HMCN1: variants seen among roughly 807,000 people sequenced by gnomAD.
HMCN1 encodes the protein hemicentin 1.
Under a neutral mutation model 625.9 loss-of-function variants are expected in HMCN1, and 321 were observed. That is an observed-to-expected ratio of 0.51 (90% CI 0.47 to 0.56). The LOEUF (loss-of-function observed/expected upper bound fraction) is 0.56, where lower values mean the gene tolerates loss of function less well. Ranked by LOEUF, HMCN1 falls within the 20% of genes least tolerant of loss-of-function variation. HMCN1 has a pLI of 0.00. For synonymous variants in HMCN1, 2,425 were observed against 2,417.6 expected (o/e 1.00, Z -0.09); for missense variants, 6,588 against 6,887.3 (o/e 0.96, Z 1.54).
In HMCN1 at chr1:186,144,543, G is replaced by A. The variant is rs1427419446; in HGVS notation, c.14106G>A (p.Lys4702=). 9 of 1,613,992 alleles carry A rather than the reference G, an allele frequency of 5.6e-6. No homozygotes were observed. Among genetic ancestry groups the A allele is most frequent in the Admixed American group, 1.7e-5 (1 of 59,998 alleles). ...TTTCCCTTATTCCAGTTCATGGCAA[G>A]TGGGCGACTTGGGCCAGTTGGAGTG... ...CNERNCPIHG[K]WATWASWSAC... The change falls in exon 91 of 107, where the codon AAG becomes AAA. Residue 4702 remains lysine (K), a synonymous_variant. Coordinates refer to ENST00000271588, the MANE Select transcript of HMCN1 (RefSeq NM_031935.3).
intron 68 of HMCN1, among the ~76,000 whole-genome samples, chr1:186,096,301 C>T (rs1448900594): frequency 1.3e-5 from 2 of 152,084 alleles, no homozygotes; most frequent in African/African-American, 4.8e-5. Context: ...TCATGTAACC[C>T]TAAAATTCTG....
intron 42 of HMCN1, among the ~76,000 whole-genome samples, chr1:186,049,709 T>C (rs1656820570): frequency 6.6e-6 from 1 of 152,078 alleles, no homozygotes; most frequent in South Asian, 2.1e-4. Context: ...AATTTACCTA[T>C]GATTTATAGT....
chr1:185,755,804 G>C (rs1441250124), intron 1 of HMCN1, among the ~76,000 whole-genome samples: 2 of 152,168 alleles, frequency 1.3e-5, no homozygotes, highest in African/African-American at 4.8e-5. Context: ...CTGGGAATGG[G>C]AGTAAAGGGG....
At chr1:185,777,413 C>T (rs764732045) in intron 1 of HMCN1, among the ~76,000 whole-genome samples, 17 of 151,990 alleles carry the variant, frequency 1.1e-4, no homozygotes, top group Non-Finnish European at 2.4e-4. Flanking sequence ...TTATTGGGAT[C>T]TCAGTATGCA....
intron 1 of HMCN1, among the ~76,000 whole-genome samples, chr1:185,755,182 T>A (rs1315129730): frequency 6.6e-6 from 1 of 152,262 alleles, no homozygotes; most frequent in African/African-American, 2.4e-5. Flanking sequence ...CCCACTATAA[T>A]CTGTGTTTTT....
intron 1 of HMCN1, among the ~76,000 whole-genome samples, chr1:185,819,447 T>G (rs1171300542): frequency 6.6e-6 from 1 of 152,208 alleles, no homozygotes; most frequent in Non-Finnish European, 1.5e-5. Context: ...TTATCACTTT[T>G]TATTACATTT....
At chr1:185,761,761 A>T (rs1421774414) in intron 1 of HMCN1, among the ~76,000 whole-genome samples, 2 of 152,198 alleles carry the variant, frequency 1.3e-5, no homozygotes, top group Admixed American at 6.5e-5. Context: ...TTTTGGTAGT[A>T]TAGGACGTGA....
At position 185,734,967 on chromosome 1, in the gene HMCN1, CT is replaced by C; in HGVS notation, c.190del (p.Ser64ProfsTer8). The stretch of plus-strand genomic sequence containing the variant: ...GATTTAGTTCAGGTGATTGAAGGGG[CT>C]TCCAAAATTTTGGAGACGTCTTTGA... ...YDDLVQVIEG[A>X]SKILETSLKR... is the part of the protein sequence containing the mutation. On this transcript the variant is annotated frameshift_variant, in exon 1 of 107. Transcript: ENST00000271588. LOFTEE classifies it high-confidence loss of function. 1.2e-6 allele frequency: 2 copies of C among 1,614,088 alleles called. No individual in the cohort carries two copies. Among genetic ancestry groups the C allele is most frequent in the Non-Finnish European group, 1.7e-6 (2 of 1,179,992 alleles).
intron 1 of HMCN1, among the ~76,000 whole-genome samples, chr1:185,800,670 A>G (rs1233489904): frequency 6.6e-6 from 1 of 152,190 alleles, no homozygotes. Context: ...AGTGAATTAG[A>G]TCTTTCACTA....
chr1:185,956,582 C>G (rs1382619870), intron 11 of HMCN1, among the ~76,000 whole-genome samples: 2 of 152,212 alleles, frequency 1.3e-5, no homozygotes, highest in African/African-American at 4.8e-5. Flanking sequence ...CAGCTATTCT[C>G]TGCATGTTTA....
chr1:186,162,974 T>C (rs1286870266), intron 97 of HMCN1, among the ~76,000 whole-genome samples: 2 of 152,190 alleles, frequency 1.3e-5, no homozygotes, highest in African/African-American at 2.4e-5. Flanking sequence ...GCAGAGGTTA[T>C]TGCTCTTTTT....
Position 185,924,337 on chromosome 1 carries a change from T to C in HMCN1, c.1285+684T>C, listed in dbSNP as rs376646411. Reference sequence around the variant, plus strand: ...GCCCCGCCTCCCGGGTTCACGTCATTCTCCTGCCTCAGCCTCCCGAGTAGC... The same window carrying C: ...GCCCCGCCTCCCGGGTTCACGTCATCCTCCTGCCTCAGCCTCCCGAGTAGC... On this transcript the variant is annotated intron_variant, in intron 8 of 106. Coordinates refer to ENST00000271588, the MANE Select transcript of HMCN1 (RefSeq NM_031935.3). Among the ~76,000 whole-genome samples the C allele has an allele frequency of 7.9e-4, 117 of 148,794 alleles. 1 individual carries two copies. Among genetic ancestry groups the C allele is most frequent in the East Asian group, 6.2e-4 (3 of 4,840 alleles).
intron 97 of HMCN1, among the ~76,000 whole-genome samples, chr1:186,161,836 C>G (rs535081051): frequency 6.6e-6 from 1 of 152,342 alleles, no homozygotes; most frequent in East Asian, 1.9e-4. Context: ...CAACCTTTCT[C>G]TCTGGCTGCC....
At position 186,190,297 on chromosome 1, in the gene HMCN1, C is replaced by A. The variant is rs140343074; in HGVS notation, c.*419C>A. The A allele has an allele frequency of 3.2e-5, 7 of 222,132 alleles. No homozygotes were observed. The East Asian group carries it at 5.0e-4, about 16-fold the overall frequency. The allele number at this position is 222,132 out of a possible 1,614,324, so 13.8% of individuals were successfully genotyped here. A position where few individuals can be genotyped will look rare whatever the true frequency, so the allele number is the denominator to read the frequency against. On this transcript the variant is annotated 3_prime_UTR_variant, in exon 107 of 107. Coordinates refer to ENST00000271588, the MANE Select transcript of HMCN1 (RefSeq NM_031935.3). ...ATTTTTAGAATCATAAAATTAGTTA[C>A]TAAGTATTTTGATCAAAGCTTATAA...
intron 74 of HMCN1, 33 bp from the exon 75 acceptor site, chr1:186,115,225 G>A: frequency 6.2e-7 from 1 of 1,612,674 alleles, no homozygotes; most frequent in East Asian, 2.2e-5. Flanking sequence ...TTTGCTGACT[G>A]TGTTTCCTTC....
chr1:185,807,496 T>C (rs759645485), intron 1 of HMCN1, among the ~76,000 whole-genome samples: 2 of 152,206 alleles, frequency 1.3e-5, no homozygotes, highest in African/African-American at 4.8e-5. Context: ...TGCAGTAATA[T>C]ACACAGGAAT....
Position 185,922,471 on chromosome 1 carries a change from C to CA in HMCN1, c.1000dup (p.Thr334AsnfsTer25). On this transcript the variant is annotated frameshift_variant, in exon 7 of 107. Coordinates refer to ENST00000271588, the MANE Select transcript of HMCN1 (RefSeq NM_031935.3). LOFTEE classifies it high-confidence loss of function. Reference sequence around the variant, plus strand: ...TTTCTCGAAAGCCCACCCTGGACTTCAAAAAAACAGTCAGCAGACCAGTGC... The same window carrying CA: ...TTTCTCGAAAGCCCACCCTGGACTTCAAAAAAAACAGTCAGCAGACCAGTGC... 2 of 1,613,144 alleles carry CA rather than the reference C, an allele frequency of 1.2e-6. No individual in the cohort carries two copies. Among genetic ancestry groups the CA allele is most frequent in the Non-Finnish European group, 1.7e-6 (2 of 1,179,528 alleles).
At chr1:185,894,249 T>C (rs1316715973) in intron 4 of HMCN1, among the ~76,000 whole-genome samples, 1 of 152,242 alleles carries the variant, frequency 6.6e-6, no homozygotes, top group Non-Finnish European at 1.5e-5. Flanking sequence ...AATCATACAG[T>C]ACACTTCAGT....
At chr1:185,953,428 A>G (rs11587002) in intron 11 of HMCN1, among the ~76,000 whole-genome samples, 8,052 of 151,922 alleles carry the variant, frequency 0.053, 611 homozygotes, top group African/African-American at 0.15. Context: ...TTCCCAGTCC[A>G]TGACCGGCAC....
Sources: allele counts gnomAD v4.1 joint callset (sites outside exome capture counted in the v4.1 genomes callset), GRCh38; gene constraint gnomAD v4.1.1; transcripts MANE v1.5; gene names NCBI Gene and HGNC (gene_info 2026-07-23, HGNC 2026-07-21).